NKAIN2: variants seen among roughly 807,000 people sequenced by gnomAD.
The protein encoded by NKAIN2 is sodium/potassium transporting ATPase interacting 2, also known as sodium/potassium-transporting ATPase subunit beta-1-interacting protein 2.
NKAIN2 carries 14 observed loss-of-function variants against 32.6 expected under a neutral mutation model. That is an observed-to-expected ratio of 0.43 (90% CI 0.28 to 0.67). The LOEUF (loss-of-function observed/expected upper bound fraction) is 0.67. NKAIN2 is among the 30% of genes least tolerant of loss of function. The pLI is 0.17. For synonymous variants in NKAIN2, 80 were observed against 87.2 expected (o/e 0.92, Z 0.46); for missense variants, 198 against 258.3 (o/e 0.77, Z 1.60).
intron 1 of NKAIN2, among the ~76,000 whole-genome samples, chr6:124,146,241 G>A (rs1787391315): frequency 6.6e-6 from 1 of 151,584 alleles, no homozygotes; most frequent in Admixed American, 6.6e-5. Context: ...ATTAGCAAAG[G>A]TCAATTAGAA....
intron 1 of NKAIN2, among the ~76,000 whole-genome samples, chr6:123,928,573 C>A (rs1324973804): frequency 6.6e-6 from 1 of 152,136 alleles, no homozygotes; most frequent in African/African-American, 2.4e-5. Flanking sequence ...AGCCTATTTT[C>A]AGCCTCAGAA....
At chr6:124,178,141 A>G (rs1023745945) in intron 1 of NKAIN2, among the ~76,000 whole-genome samples, 1 of 152,138 alleles carries the variant, frequency 6.6e-6, no homozygotes, top group Admixed American at 6.5e-5. Context: ...TGTAAGAAAC[A>G]GGAAGAAGAG....
At chr6:123,827,930 T>A (rs935290769) in intron 1 of NKAIN2, among the ~76,000 whole-genome samples, 2 of 151,972 alleles carry the variant, frequency 1.3e-5, no homozygotes, top group Non-Finnish European at 2.9e-5. Context: ...ATATGCAAGT[T>A]CCTTTGTCTG....
In NKAIN2 at chr6:124,111,287, A is replaced by G. The variant is rs544093515; in HGVS notation, c.55-171718A>G. Among the ~76,000 whole-genome samples the G allele has an allele frequency of 2.0e-5, 3 of 152,046 alleles. No individual in the cohort carries two copies. In the East Asian group the frequency reaches 5.8e-4, roughly 29 times the overall value. Reference sequence around the variant, plus strand: ...GATCTGTCTGGATGTTGTGTCCATTATTGAAAATGAGGTGTGAAGTCTCCT... The same window carrying G: ...GATCTGTCTGGATGTTGTGTCCATTGTTGAAAATGAGGTGTGAAGTCTCCT... On this transcript the variant is annotated intron_variant, in intron 1 of 6. Coordinates refer to ENST00000368417, the MANE Select transcript of NKAIN2 (RefSeq NM_001040214.3).
chr6:124,728,234 C>A (rs1388250227), intron 4 of NKAIN2, among the ~76,000 whole-genome samples: 2 of 108,140 alleles, frequency 1.8e-5, no homozygotes, highest in African/African-American at 7.1e-5. Context: ...GAACTCTCCA[C>A]CCCAAATCAA....
At chr6:124,764,388 T>C (rs889194401) in intron 4 of NKAIN2, among the ~76,000 whole-genome samples, 12 of 152,196 alleles carry the variant, frequency 7.9e-5, no homozygotes, top group African/African-American at 2.7e-4. Context: ...ATAATATATT[T>C]GTCAATGTTA....
intron 1 of NKAIN2, among the ~76,000 whole-genome samples, chr6:123,842,689 A>G (rs766874338): frequency 4.0e-5 from 6 of 150,674 alleles, no homozygotes; most frequent in Non-Finnish European, 5.9e-5. Flanking sequence ...TTTTTTCCCT[A>G]ATTTAACGTC....
At chr6:124,096,207 CA>C (rs2114937861) in intron 1 of NKAIN2, among the ~76,000 whole-genome samples, 1 of 152,210 alleles carries the variant, frequency 6.6e-6, no homozygotes, top group East Asian at 1.9e-4. Context: ...TGATGGTCTC[CA>C]AAATGTCATA....
At position 123,938,396 on chromosome 6, in the gene NKAIN2, TTATATATATATATATATATATATATA is replaced by T. The variant is rs71021471; in HGVS notation, c.54+134173_54+134198del. 9.5e-3 allele frequency among the ~76,000 whole-genome samples: 514 copies of T among 54,148 alleles called. 8 individuals are homozygous for T. The highest frequency in any genetic ancestry group is 0.017 in the African/African-American group (281 of 16,816). 35.5% of individuals were successfully genotyped at this position (54,148 alleles called of 152,430 possible). ...TGAAACCAGAACTCATTTGCAAGGG[TTATATATATATATATATATATATATA>T]TATATATATATATATATATATATAT... On this transcript the variant is annotated intron_variant, in intron 1 of 6. Transcript: ENST00000368417.
At chr6:124,171,866 A>T (rs1382972895) in intron 1 of NKAIN2, among the ~76,000 whole-genome samples, 3 of 121,632 alleles carry the variant, frequency 2.5e-5, no homozygotes, top group Admixed American at 1.8e-4. Context: ...TTTTTTTTTG[A>T]GAGAGAGTCT....
intron 1 of NKAIN2, among the ~76,000 whole-genome samples, chr6:123,863,869 C>G (rs2114982876): frequency 6.6e-6 from 1 of 152,054 alleles, no homozygotes. Flanking sequence ...TTTTTTCTGC[C>G]ATAACAATAA....
chr6:124,195,043 T>G (rs1790251214), intron 1 of NKAIN2, among the ~76,000 whole-genome samples: 1 of 151,582 alleles, frequency 6.6e-6, no homozygotes, highest in South Asian at 2.1e-4. Context: ...AAAATGCAAT[T>G]TTTTTATTTT....
At chr6:124,335,529 A>G (rs1797827942) in intron 2 of NKAIN2, among the ~76,000 whole-genome samples, 1 of 152,188 alleles carries the variant, frequency 6.6e-6, no homozygotes, top group South Asian at 2.1e-4. Flanking sequence ...AATGAGATTA[A>G]AGCATCTCTG....
At chr6:124,040,320 C>T (rs1362730589) in intron 1 of NKAIN2, among the ~76,000 whole-genome samples, 1 of 151,590 alleles carries the variant, frequency 6.6e-6, no homozygotes, top group Admixed American at 6.6e-5. Flanking sequence ...CTTCTGTTTT[C>T]CTGAGGTTTC....
chr6:124,187,571 C>A (rs1331457723), intron 1 of NKAIN2, among the ~76,000 whole-genome samples: 1 of 152,144 alleles, frequency 6.6e-6, no homozygotes, highest in East Asian at 1.9e-4. Context: ...AGGTAGGGCA[C>A]AAGAAACTGC....
chr6:124,730,799 G>A (rs967962345), intron 4 of NKAIN2, among the ~76,000 whole-genome samples: 3 of 151,708 alleles, frequency 2.0e-5, no homozygotes, highest in African/African-American at 7.3e-5. Flanking sequence ...GAAAATTTTT[G>A]CAACCTACTC....
At chr6:123,807,654 G>A (rs895097784) in intron 1 of NKAIN2, among the ~76,000 whole-genome samples, 9 of 152,152 alleles carry the variant, frequency 5.9e-5, no homozygotes, top group African/African-American at 1.9e-4. Flanking sequence ...GAAAAAATAC[G>A]TTAAAATATG....
chr6:123,982,591 C>A (rs545052398), intron 1 of NKAIN2, among the ~76,000 whole-genome samples: 1 of 151,836 alleles, frequency 6.6e-6, no homozygotes, highest in African/African-American at 2.4e-5. Context: ...AACATAAAAC[C>A]GTACCAAGTG....
intron 1 of NKAIN2, among the ~76,000 whole-genome samples, chr6:123,821,543 C>A (rs1773922913): frequency 6.6e-6 from 1 of 152,036 alleles, no homozygotes; most frequent in South Asian, 2.1e-4. Context: ...AGATATAGAC[C>A]CTGTAACGTT....
Sources: allele counts gnomAD v4.1 joint callset (sites outside exome capture counted in the v4.1 genomes callset), GRCh38; gene constraint gnomAD v4.1.1; transcripts MANE v1.5; gene names NCBI Gene and HGNC (gene_info 2026-07-23, HGNC 2026-07-21).